Variants in RBFOX1 observed in about 807,000 individuals in gnomAD.
The protein encoded by RBFOX1 is RNA binding protein fox-1 homolog 1.
RBFOX1 carries 8 observed loss-of-function variants against 57.7 expected under a neutral mutation model. That is an observed-to-expected ratio of 0.14 (90% CI 0.08 to 0.25). The LOEUF (loss-of-function observed/expected upper bound fraction) is 0.25. RBFOX1 is among the 10% of genes least tolerant of loss of function. The pLI is 1.00. For synonymous variants in RBFOX1, 326 were observed against 222.4 expected (o/e 1.47, Z -4.15); for missense variants, 611 against 548.5 (o/e 1.11, Z -1.14).
At chr16:6,897,832 A>G (rs1320207555) in intron 3 of RBFOX1, among the ~76,000 whole-genome samples, 2 of 152,168 alleles carry the variant, frequency 1.3e-5, no homozygotes, top group Non-Finnish European at 1.5e-5. Context: ...CATGGATTAC[A>G]GAGCCCTGCA....
chr16:6,174,032 C>T (rs1295828796), intron 1 of RBFOX1, among the ~76,000 whole-genome samples: 3 of 152,134 alleles, frequency 2.0e-5, no homozygotes, highest in Admixed American at 2.0e-4. Flanking sequence ...TCTGTAGTAG[C>T]AGACTCCCAA....
intron 4 of RBFOX1, among the ~76,000 whole-genome samples, chr16:7,223,729 AAAG>A (rs1245539739): frequency 2.7e-5 from 4 of 150,614 alleles, no homozygotes; most frequent in Admixed American, 6.6e-5. Context: ...AAAAAAAAAA[AAAG>A]AAAAAGAAAT....
intron 2 of RBFOX1, among the ~76,000 whole-genome samples, chr16:5,471,237 A>T (rs997747367): frequency 1.8e-4 from 28 of 152,240 alleles, no homozygotes; most frequent in African/African-American, 6.5e-4. Flanking sequence ...GGATGTGAGA[A>T]AATGGGAATT....
intron 1 of RBFOX1, among the ~76,000 whole-genome samples, chr16:6,254,321 T>G (rs1598852630): frequency 6.6e-6 from 1 of 152,264 alleles, no homozygotes; most frequent in East Asian, 1.9e-4. Flanking sequence ...AATATAAATA[T>G]CTATCTACAT....
chr16:5,714,702 A>G (rs2051622425), intron 3 of RBFOX1, among the ~76,000 whole-genome samples: 2 of 152,228 alleles, frequency 1.3e-5, no homozygotes, highest in Non-Finnish European at 2.9e-5. Context: ...GTAAGGAAAT[A>G]ACAAAAGCCA....
At chr16:6,962,667 C>T (rs1190886856) in intron 3 of RBFOX1, among the ~76,000 whole-genome samples, 1 of 152,048 alleles carries the variant, frequency 6.6e-6, no homozygotes, top group Non-Finnish European at 1.5e-5. Context: ...GAGTTCAAGA[C>T]CAGCCTGAGC....
At chr16:5,366,318 G>C (rs1389087130) in intron 1 of RBFOX1, 3 of 361,418 alleles carry the variant, frequency 8.3e-6, no homozygotes, top group African/African-American at 4.3e-5. Flanking sequence ...TGAAGATGAT[G>C]ATGATGATGA....
chr16:7,133,716 C>T (rs953165431), intron 4 of RBFOX1, among the ~76,000 whole-genome samples: 1 of 152,010 alleles, frequency 6.6e-6, no homozygotes, highest in African/African-American at 2.4e-5. Context: ...TTTCTGAGTT[C>T]TGCTTATAGT....
At chr16:7,652,708 C>G (rs774613033) in intron 11 of RBFOX1, among the ~76,000 whole-genome samples, 52 of 152,328 alleles carry the variant, frequency 3.4e-4, no homozygotes, top group Non-Finnish European at 6.9e-4. Flanking sequence ...GCCCAGCCCC[C>G]ACATTCTCTT....
intron 3 of RBFOX1, among the ~76,000 whole-genome samples, chr16:6,798,802 G>A (rs1164157309): frequency 6.6e-6 from 1 of 152,138 alleles, no homozygotes; most frequent in East Asian, 1.9e-4. Flanking sequence ...ATAGTTTATT[G>A]AGCATCTGTG....
chr16:6,279,403 G>A (rs78794723), intron 1 of RBFOX1, among the ~76,000 whole-genome samples: 10 of 152,140 alleles, frequency 6.6e-5, no homozygotes, highest in Non-Finnish European at 1.3e-4. Flanking sequence ...AGCATGAGAC[G>A]TTAAATGAGT....
At chr16:7,663,162 G>A (rs1403026517) in intron 12 of RBFOX1, among the ~76,000 whole-genome samples, 1 of 152,226 alleles carries the variant, frequency 6.6e-6, no homozygotes, top group Non-Finnish European at 1.5e-5. Flanking sequence ...GACCTTGGCA[G>A]AGGGTGGCTC....
At chr16:7,019,890 CCAA>C (rs2094118936) in intron 3 of RBFOX1, among the ~76,000 whole-genome samples, 1 of 152,178 alleles carries the variant, frequency 6.6e-6, no homozygotes, top group African/African-American at 2.4e-5. Context: ...TGCGTGTGTT[CCAA>C]CTAAACCCTG....
intron 4 of RBFOX1, among the ~76,000 whole-genome samples, chr16:7,341,996 G>T (rs1221989609): frequency 6.6e-6 from 1 of 152,060 alleles, no homozygotes; most frequent in Non-Finnish European, 1.5e-5. Flanking sequence ...GCTCCTGGAG[G>T]AGGGGAGAAT....
At chr16:6,008,818 T>G (rs1194533238) in intron 4 of RBFOX1, among the ~76,000 whole-genome samples, 1 of 152,148 alleles carries the variant, frequency 6.6e-6, no homozygotes, top group Non-Finnish European at 1.5e-5. Flanking sequence ...CCAGGAAAAA[T>G]GTGGTTGCTT....
At chr16:6,291,196 T>A (rs2077433456) in intron 1 of RBFOX1, among the ~76,000 whole-genome samples, 1 of 152,164 alleles carries the variant, frequency 6.6e-6, no homozygotes, top group Non-Finnish European at 1.5e-5. Flanking sequence ...CTTCTTGACC[T>A]GTATTTTGTG....
At chr16:5,576,975 G>A (rs2046477078) in intron 2 of RBFOX1, among the ~76,000 whole-genome samples, 3 of 152,206 alleles carry the variant, frequency 2.0e-5, no homozygotes, top group African/African-American at 7.2e-5. Flanking sequence ...TCCTTTGGGA[G>A]CCATTGCTAA....
intron 4 of RBFOX1, among the ~76,000 whole-genome samples, chr16:7,492,709 G>GTCCT (rs374830729): frequency 0.97 from 147,121 of 152,064 alleles, 71,373 homozygotes; most frequent in East Asian, 1. Context: ...GGTGGTAGTG[G>GTCCT]CATGATAGTG....
chr16:6,430,176 C>T (rs2094038902), intron 2 of RBFOX1, among the ~76,000 whole-genome samples: 1 of 151,792 alleles, frequency 6.6e-6, no homozygotes, highest in South Asian at 2.1e-4. Flanking sequence ...TACCCAGTCC[C>T]AGGTATGTCT....
Sources: gnomAD v4.1 joint callset for allele counts (sites outside exome capture counted in the v4.1 genomes callset) on GRCh38, gnomAD v4.1.1 for gene constraint, MANE v1.5 for transcripts, NCBI Gene and HGNC (gene_info 2026-07-23, HGNC 2026-07-21) for gene names.